Variants in TRRAP observed in about 807,000 individuals in gnomAD.
TRRAP encodes the protein transformation/transcription domain-associated protein.
In TRRAP, 41 loss-of-function variants were observed where a neutral mutation model predicts 438.8. That is an observed-to-expected ratio of 0.09 (90% CI 0.07 to 0.12). TRRAP has a LOEUF of 0.12. Among genes scored for constraint, TRRAP ranks in the 10% least tolerant of loss-of-function variants. The pLI, the probability that TRRAP is intolerant of heterozygous loss-of-function variation, is 1.00. For synonymous variants in TRRAP, 1,994 were observed against 1,962.9 expected (o/e 1.02, Z -0.42); for missense variants, 3,122 against 5,055.1 (o/e 0.62, Z 11.60).
intron 69 of TRRAP, 94 bp from the exon 70 acceptor site, chr7:99,008,283 G>T: frequency 7.5e-7 from 1 of 1,341,098 alleles, no homozygotes; most frequent in Non-Finnish European, 1.0e-6. Context: ...ACAGAGCCGG[G>T]TCAGCTCTGC....
intron 12 of TRRAP, among the ~76,000 whole-genome samples, chr7:98,905,370 G>T (rs1796680615): frequency 1.3e-5 from 2 of 152,168 alleles, no homozygotes; most frequent in Admixed American, 1.3e-4. Context: ...GAGCTGGTGG[G>T]AAATGTACTT....
At chr7:98,904,410 G>T (rs1224868106) in intron 12 of TRRAP, among the ~76,000 whole-genome samples, 2 of 145,532 alleles carry the variant, frequency 1.4e-5, no homozygotes, top group Non-Finnish European at 3.0e-5. Context: ...GTGAACCCAG[G>T]AAGGCAGAGT....
chr7:98,927,512 A>G, intron 23 of TRRAP, 146 bp downstream of exon 23: 1 of 1,088,434 alleles, frequency 9.2e-7, no homozygotes, highest in Non-Finnish European at 1.3e-6. Flanking sequence ...TTTTCCATTT[A>G]CGACATTGAT....
Position 99,005,321 on chromosome 7 carries a change from A to T in TRRAP, c.10726A>T (p.Thr3576Ser). 1 of 1,613,948 alleles carries T rather than the reference A, an allele frequency of 6.2e-7. No individual in the cohort carries two copies. The highest frequency in any genetic ancestry group is 2.2e-5 in the East Asian group (1 of 44,880). The change falls in exon 69 of 73, where the codon ACC (threonine) becomes TCC (serine). Residue 3576 changes from threonine to serine, a missense_variant. This residue lies in a region of TRRAP where 95 missense variants were observed against 144.1 expected (regional missense o/e 0.66). Coordinates refer to ENST00000456197, the MANE Select transcript of TRRAP (RefSeq NM_001375524.1). The surrounding 1 kb of genome is among the most constrained non-coding windows in gnomAD (Gnocchi z 5.1). ...LNPCLEKRKE[T>S]TKRHLFFTVP... ...CCCCTGTTTGGAGAAGAGAAAGGAGACCACCAAGAGGCACTTGTTTTTCAC... is the reference window on the plus strand; with the variant it reads ...CCCCTGTTTGGAGAAGAGAAAGGAGTCCACCAAGAGGCACTTGTTTTTCAC...
intron 45 of TRRAP, among the ~76,000 whole-genome samples, chr7:98,959,887 T>TGCCACTG (rs1791801278): frequency 6.9e-6 from 1 of 144,386 alleles, no homozygotes; most frequent in African/African-American, 2.7e-5. Context: ...CTATGATTGG[T>TGCCACTG]GCCACTGCAC....
chr7:98,911,669 G>C (rs1309668257), intron 17 of TRRAP, among the ~76,000 whole-genome samples: 6 of 152,116 alleles, frequency 3.9e-5, no homozygotes, highest in African/African-American at 1.4e-4. Context: ...GGGAGGTTGA[G>C]GCAGGAGGAT....
intron 11 of TRRAP, among the ~76,000 whole-genome samples, chr7:98,902,230 T>C (rs111519639): frequency 9.2e-5 from 14 of 152,254 alleles, no homozygotes; most frequent in Non-Finnish European, 1.8e-4. Flanking sequence ...GTAAAACTGA[T>C]GAAGAAGTTC....
rs1554417449 is a variant in TRRAP at position 98,948,706 on chromosome 7, G to C, written c.4788+21G>C. The C allele has an allele frequency of 1.2e-6, 2 of 1,614,074 alleles. No individual in the cohort carries two copies. Among genetic ancestry groups the C allele is most frequent in the Admixed American group, 3.3e-5 (2 of 60,028 alleles). ...TTATGGTAAGAGCTGTGAGCAGCTG[G>C]AGTCAGGGGTCCCTTCAAATGCTTG... On this transcript the variant is annotated intron_variant, in intron 35 of 72. Coordinates refer to ENST00000456197, the MANE Select transcript of TRRAP (RefSeq NM_001375524.1). The surrounding 1 kb of genome is among the most constrained non-coding windows in gnomAD (Gnocchi z 4.9).
intron 5 of TRRAP, 49 bp from the exon 6 acceptor site, chr7:98,893,749 T>G (rs781941132): frequency 2.6e-5 from 40 of 1,553,794 alleles, no homozygotes; most frequent in Non-Finnish European, 3.3e-5. Flanking sequence ...AAATTAGCCT[T>G]TAAAGTGAGT....
rs1795405515 is a variant in TRRAP at position 98,881,070 on chromosome 7, C to T, written c.-61-20C>T. 2 of 1,235,330 alleles carry T rather than the reference C, an allele frequency of 1.6e-6. No individual in the cohort carries two copies. The highest frequency in any genetic ancestry group is 1.5e-5 in the South Asian group (1 of 66,640). 76.5% of individuals were successfully genotyped at this position (1,235,330 alleles called of 1,614,324 possible). ...CCTGTGCCCTCCATAAATTGACTAA[C>T]TCTATGCTTCTTTTCATAGGCTGGT... On this transcript the variant is annotated intron_variant, in intron 1 of 72. Transcript: ENST00000456197.
Position 98,976,186 on chromosome 7 carries a change from A to G in TRRAP, c.7877A>G (p.His2626Arg). The change falls in exon 54 of 73, where the codon CAC becomes CGC. Residue 2626 changes from histidine to arginine, a missense_variant. Physicochemically the swap from His to Arg is conservative, Grantham distance 29 (BLOSUM62 0). This residue lies in a region of TRRAP where 992 missense variants were observed against 1,281.2 expected (regional missense o/e 0.77). Coordinates refer to ENST00000456197, the MANE Select transcript of TRRAP (RefSeq NM_001375524.1). The surrounding 1 kb of genome is among the most constrained non-coding windows in gnomAD (Gnocchi z 4.6). Reference sequence around the variant, plus strand: ...CTCAGCGCTTTCGTTCAGCTGTGCCACATTTCCACGACGCTGGCAGAGAAG... The same window carrying G: ...CTCAGCGCTTTCGTTCAGCTGTGCCGCATTTCCACGACGCTGGCAGAGAAG... ...ALLSAFVQLC[H>R]ISTTLAEKTW... 6.2e-7 allele frequency: 1 copy of G among 1,614,110 alleles called. No individual in the cohort carries two copies. The highest frequency in any genetic ancestry group is 8.5e-7 in the Non-Finnish European group (1 of 1,179,982).
Position 98,884,620 on chromosome 7 carries a change from C to T in TRRAP, c.150+2596C>T, listed in dbSNP as rs1795609996. ...GTGTGCAGTCCAGCCCTCAGCTGTC[C>T]TCACTGGAGACACTCCCCATTCCCT... On this transcript the variant is annotated intron_variant, in intron 3 of 72. Coordinates refer to ENST00000456197, the MANE Select transcript of TRRAP (RefSeq NM_001375524.1). 6.6e-5 allele frequency among the ~76,000 whole-genome samples: 10 copies of T among 152,280 alleles called. No individual in the cohort carries two copies. The South Asian group carries it at 2.1e-3, about 32-fold the overall frequency.
chr7:98,907,596 C>T (rs782586634), intron 13 of TRRAP, among the ~76,000 whole-genome samples: 3 of 152,220 alleles, frequency 2.0e-5, no homozygotes, highest in Non-Finnish European at 4.4e-5. Context: ...TACTCCTGCT[C>T]GAAGCCCTCC....
chr7:98,880,262 G>GTTTTTTTTTTT lies in TRRAP; in HGVS notation c.-61-821_-61-811dup, dbSNP rs201053093. On this transcript the variant is annotated intron_variant, in intron 1 of 72. Coordinates refer to ENST00000456197, the MANE Select transcript of TRRAP (RefSeq NM_001375524.1). ...CTGCCTGCGTTTTGTTGTTGTTGTTGTTTTTTTTTTTTTTTTTCCGAGACT... is the reference window on the plus strand; with the variant it reads ...CTGCCTGCGTTTTGTTGTTGTTGTTGTTTTTTTTTTTTTTTTTTTTTTTTTTTTCCGAGACT... Among the ~76,000 whole-genome samples the GTTTTTTTTTTT allele has an allele frequency of 1.3e-4, 17 of 132,094 alleles. 2 individuals are homozygous for GTTTTTTTTTTT. Among genetic ancestry groups the GTTTTTTTTTTT allele is most frequent in the East Asian group, 2.2e-4 (1 of 4,518 alleles). 86.7% of individuals were successfully genotyped at this position (132,094 alleles called of 152,430 possible).
intron 30 of TRRAP, among the ~76,000 whole-genome samples, chr7:98,938,568 T>TATAC (rs1790659761): frequency 6.6e-6 from 1 of 151,896 alleles, no homozygotes; most frequent in Non-Finnish European, 1.5e-5. Context: ...AATATATATA[T>TATAC]ACACAGTCCT....
intron 67 of TRRAP, chr7:98,999,075 C>T: frequency 1.7e-6 from 2 of 1,155,138 alleles, no homozygotes; most frequent in Non-Finnish European, 2.5e-6. Context: ...GGGCAGAGAA[C>T]TCTGCTTCCG....
chr7:98,974,027 T>A (rs996357045), intron 53 of TRRAP, among the ~76,000 whole-genome samples: 5 of 152,216 alleles, frequency 3.3e-5, no homozygotes, highest in Non-Finnish European at 5.9e-5. Context: ...GAGCCTGCTC[T>A]GTGTCAGGTG....
At chr7:98,904,505 A>G (rs1002861263) in intron 12 of TRRAP, among the ~76,000 whole-genome samples, 3 of 151,248 alleles carry the variant, frequency 2.0e-5, no homozygotes, top group Admixed American at 6.6e-5. Context: ...AAAAAAAAAA[A>G]AAAATACTTT....
In TRRAP at chr7:98,915,718, C is replaced by T. The variant is rs199690222; in HGVS notation, c.2200-5C>T. 93 of 1,612,830 alleles carry T rather than the reference C, an allele frequency of 5.8e-5. 1 individual carries two copies. The East Asian group carries it at 1.6e-3, about 29-fold the overall frequency. ...CCACTAATCTGCGTCTTCTCCACCCCGCAGCCTCACTTGCACAAGATTGTG... is the reference window on the plus strand; with the variant it reads ...CCACTAATCTGCGTCTTCTCCACCCTGCAGCCTCACTTGCACAAGATTGTG... On this transcript the variant is annotated splice_polypyrimidine_tract_variant and splice_region_variant and intron_variant, in intron 18 of 72. Transcript: ENST00000456197.
Sources: allele counts gnomAD v4.1 joint callset (sites outside exome capture counted in the v4.1 genomes callset), GRCh38; gene constraint gnomAD v4.1.1; regional missense constraint gnomAD v4.1.1; non-coding constraint Gnocchi (gnomAD v3.1); transcripts MANE v1.5; gene names NCBI Gene and HGNC (gene_info 2026-07-23, HGNC 2026-07-21).